TTLL5: variants seen among roughly 807,000 people sequenced by gnomAD.
TTLL5 encodes the protein tubulin polyglutamylase TTLL5.
TTLL5 carries 132 observed loss-of-function variants against 168.4 expected under a neutral mutation model. The observed-to-expected ratio is 0.78, with a 90% CI of 0.68 to 0.91. TTLL5 has a LOEUF of 0.91. Among genes scored for constraint, TTLL5 ranks in the 40% least tolerant of loss-of-function variants. TTLL5 has a pLI of 0.00. For synonymous variants in TTLL5, 546 were observed against 558.6 expected, an observed-to-expected ratio of 0.98 and a Z score of 0.32; for missense variants, 1,545 against 1,581.5, an observed-to-expected ratio of 0.98 and a Z score of 0.39.
At chr14:75,887,322 A>G (rs1374087254) in intron 30 of TTLL5, 10 of 985,132 alleles carry the variant, frequency 1.0e-5, no homozygotes, top group Middle Eastern at 1.0e-3. Flanking sequence ...TTTTTAACAT[A>G]TGAGTCATTA....
chr14:75,847,466 TAAC>T (rs1896607099), intron 28 of TTLL5, among the ~76,000 whole-genome samples: 1 of 146,050 alleles, frequency 6.8e-6, no homozygotes, highest in African/African-American at 2.5e-5. Context: ...GAAATAATAG[TAAC>T]AATAATAATT....
chr14:75,893,837 AAAAT>A, intron 30 of TTLL5, among the ~76,000 whole-genome samples: 1 of 58,260 alleles, frequency 1.7e-5, no homozygotes, highest in Non-Finnish European at 3.0e-5. Context: ...AAAAAAAAAA[AAAAT>A]AGTGAAGGCA....
chr14:75,777,139 C>G (rs574563052), intron 23 of TTLL5, among the ~76,000 whole-genome samples: 14 of 152,200 alleles, frequency 9.2e-5, no homozygotes, highest in Admixed American at 2.0e-4. Flanking sequence ...GGTTTGGCCT[C>G]TCCATATCTT....
chr14:75,922,671 G>T (rs190030035), intron 31 of TTLL5, among the ~76,000 whole-genome samples: 110 of 152,312 alleles, frequency 7.2e-4, no homozygotes, highest in African/African-American at 2.6e-3. Context: ...GTTCATCAGG[G>T]ATATTTATCT....
chr14:75,822,209 T>A (rs571951940), intron 28 of TTLL5, among the ~76,000 whole-genome samples: 55 of 152,338 alleles, frequency 3.6e-4, no homozygotes, highest in Non-Finnish European at 5.7e-4. Context: ...ATTTAGTCTC[T>A]TGTTGTTCCT....
intron 4 of TTLL5, among the ~76,000 whole-genome samples, chr14:75,682,754 GT>G (rs749559283): frequency 1.6e-3 from 227 of 142,308 alleles, no homozygotes; most frequent in East Asian, 3.1e-3. Context: ...TTTTGAGGAA[GT>G]TTTTTTTTTT....
At chr14:75,884,158 G>A (rs2031969959) in intron 30 of TTLL5, among the ~76,000 whole-genome samples, 2 of 152,228 alleles carry the variant, frequency 1.3e-5, no homozygotes, top group Non-Finnish European at 2.9e-5. Context: ...GCCCAGGTAA[G>A]AGCTCAGTAA....
intron 28 of TTLL5, among the ~76,000 whole-genome samples, chr14:75,848,036 TAAAG>T (rs1896648029): frequency 1.3e-5 from 2 of 151,564 alleles, no homozygotes; most frequent in South Asian, 2.1e-4. Context: ...AATATCTTTA[TAAAG>T]AAAGAAAAAG....
intron 30 of TTLL5, among the ~76,000 whole-genome samples, chr14:75,899,652 A>G (rs2032831128): frequency 6.6e-6 from 1 of 152,140 alleles, no homozygotes; most frequent in Non-Finnish European, 1.5e-5. Flanking sequence ...GTGGTCTCCA[A>G]GGCCTTTGAT....
chr14:75,745,506 G>C lies in TTLL5; in HGVS notation c.1412G>C (p.Arg471Thr). 6.2e-7 allele frequency: 1 copy of C among 1,613,940 alleles called. No individual in the cohort carries two copies. Among genetic ancestry groups the C allele is most frequent in the Non-Finnish European group, 8.5e-7 (1 of 1,179,980 alleles). ...LSMEEIKVLRRVKEENDRRGG... is the reference protein window; with the variant it reads ...LSMEEIKVLRTVKEENDRRGG... Reference sequence around the variant, plus strand: ...TTCATCTAGATCAAAGTTTTACGAAGGGTGAAGGAGGAGAATGATCGGCGA... The same window carrying C: ...TTCATCTAGATCAAAGTTTTACGAACGGTGAAGGAGGAGAATGATCGGCGA... Residue 471 changes from arginine (R) to threonine (T), a missense_variant, in exon 17 of 32, where the codon AGG becomes ACG. Physicochemically the swap from Arg to Thr is moderately conservative, Grantham distance 71. Coordinates refer to ENST00000298832, the MANE Select transcript of TTLL5 (RefSeq NM_015072.5).
At position 75,779,704 on chromosome 14, in the gene TTLL5, T is replaced by TA. The variant is rs1460082440; in HGVS notation, c.2515+4dup. The TA allele has an allele frequency of 6.2e-7, 1 of 1,608,280 alleles. No individual in the cohort carries two copies. Among genetic ancestry groups the TA allele is most frequent in the Admixed American group, 1.7e-5 (1 of 57,954 alleles). On this transcript the variant is annotated splice_region_variant and intron_variant, in intron 24 of 31. Transcript: ENST00000298832. ...ATTCTGATAGTGGGGCAAAAGGTGG[T>TA]AAGTATACTGGTTAATGAACGAAAA...
intron 31 of TTLL5, among the ~76,000 whole-genome samples, chr14:75,931,113 AAGATTTGTTGTGCCC>A (rs1307657031): frequency 6.6e-6 from 1 of 152,196 alleles, no homozygotes; most frequent in African/African-American, 2.4e-5. Context: ...TATGGCTTCA[AAGATTTGTTGTGCCC>A]AGCACAATTC....
At chr14:75,911,315 G>A (rs541423557) in intron 31 of TTLL5, among the ~76,000 whole-genome samples, 1 of 152,300 alleles carries the variant, frequency 6.6e-6, no homozygotes, top group East Asian at 1.9e-4. Flanking sequence ...TTACAGGCAT[G>A]AGCCACCGCG....
intron 7 of TTLL5, among the ~76,000 whole-genome samples, chr14:75,703,504 T>A (rs137993711): frequency 6.6e-6 from 1 of 152,208 alleles, no homozygotes; most frequent in South Asian, 2.1e-4. Context: ...CTGTGTTTGC[T>A]CCACTCCTTC....
chr14:75,863,628 G>A (rs2139944998), intron 28 of TTLL5, 39 bp from the exon 29 acceptor site: 2 of 1,548,582 alleles, frequency 1.3e-6, no homozygotes, highest in Non-Finnish European at 1.7e-6. Context: ...TGTTCATACA[G>A]CCACTCACTC....
At chr14:75,949,002 AT>A (rs1264033316) in intron 31 of TTLL5, among the ~76,000 whole-genome samples, 1 of 152,206 alleles carries the variant, frequency 6.6e-6, no homozygotes, top group Non-Finnish European at 1.5e-5. Context: ...CCTACCAAAC[AT>A]TCAAGGAACA....
intron 18 of TTLL5, among the ~76,000 whole-genome samples, chr14:75,755,451 C>T (rs906577186): frequency 6.6e-6 from 1 of 151,992 alleles, no homozygotes; most frequent in Non-Finnish European, 1.5e-5. Flanking sequence ...TTTGGAATGG[C>T]CTTCAATCCA....
chr14:75,730,746 CTT>C (rs920977482), intron 12 of TTLL5, among the ~76,000 whole-genome samples: 1 of 146,834 alleles, frequency 6.8e-6, no homozygotes, highest in Admixed American at 6.8e-5. Context: ...TTCTAGGATT[CTT>C]TTTTTTTTTC....
chr14:75,874,155 G>T (rs1024655053), intron 29 of TTLL5, among the ~76,000 whole-genome samples: 10 of 151,742 alleles, frequency 6.6e-5, no homozygotes, highest in Admixed American at 5.9e-4. Context: ...GCAGTGGCTC[G>T]ATCTGGGCTC....
Sources: gnomAD v4.1 joint callset for allele counts (sites outside exome capture counted in the v4.1 genomes callset) on GRCh38, gnomAD v4.1.1 for gene constraint, MANE v1.5 for transcripts, NCBI Gene and HGNC (gene_info 2026-07-23, HGNC 2026-07-21) for gene names.